Variants in WWOX observed in about 807,000 individuals in gnomAD.
WWOX encodes WW domain-containing oxidoreductase.
WWOX carries 69 observed loss-of-function variants against 46.2 expected under a neutral mutation model. The ratio of observed to expected loss-of-function variants is 1.49; its 90% CI spans 1.23 to 1.82. WWOX has a LOEUF of 1.82. WWOX is among the 40% of genes most tolerant of loss of function. The pLI is 0.00. For missense variants in WWOX, 919 were observed against 542.6 expected (o/e 1.69, Z -6.89); for synonymous variants, 359 against 202.6 (o/e 1.77, Z -6.56).
intron 8 of WWOX, among the ~76,000 whole-genome samples, chr16:78,919,999 G>T (rs1178652262): frequency 6.6e-6 from 1 of 152,154 alleles, no homozygotes; most frequent in African/African-American, 2.4e-5. Context: ...CATGCTTTTG[G>T]AAGGGAAGCA....
chr16:78,516,997 G>C (rs1259197786), intron 8 of WWOX, among the ~76,000 whole-genome samples: 2 of 152,132 alleles, frequency 1.3e-5, no homozygotes, highest in Admixed American at 6.6e-5. Context: ...CTTGAAAATA[G>C]TGAATTTCAA....
intron 8 of WWOX, among the ~76,000 whole-genome samples, chr16:78,626,581 A>T (rs1045255029): frequency 6.6e-6 from 1 of 152,104 alleles, no homozygotes; most frequent in African/African-American, 2.4e-5. Flanking sequence ...GGTGACTCTG[A>T]TTCACCTGGT....
At chr16:78,638,457 C>G (rs1435542213) in intron 8 of WWOX, among the ~76,000 whole-genome samples, 1 of 152,092 alleles carries the variant, frequency 6.6e-6, no homozygotes, top group Non-Finnish European at 1.5e-5. Flanking sequence ...CAAGCAACAT[C>G]TGAAAGGCCC....
intron 8 of WWOX, among the ~76,000 whole-genome samples, chr16:79,156,697 G>T (rs2050388365): frequency 6.6e-6 from 1 of 151,668 alleles, no homozygotes; most frequent in South Asian, 2.1e-4. Flanking sequence ...TTTACAGCAG[G>T]TATCACAGGA....
chr16:78,881,688 A>G (rs1216636680), intron 8 of WWOX, among the ~76,000 whole-genome samples: 1 of 152,210 alleles, frequency 6.6e-6, no homozygotes, highest in Non-Finnish European at 1.5e-5. Context: ...TGTACATGAT[A>G]GGTTGGCTCA....
Position 78,579,924 on chromosome 16 carries a change from T to C in WWOX, c.1056+147172T>C, listed in dbSNP as rs185877393. Among the ~76,000 whole-genome samples, 16 of 152,312 alleles carry C rather than the reference T, an allele frequency of 1.1e-4. No homozygotes were observed. In the East Asian group the frequency reaches 2.9e-3, roughly 28 times the overall value. ...CATTTCACTCCGAGCCATCGACTTCTGTTCTGAATGTTAAAATGCAGGTGG... is the reference window on the plus strand; with the variant it reads ...CATTTCACTCCGAGCCATCGACTTCCGTTCTGAATGTTAAAATGCAGGTGG... On this transcript the variant is annotated intron_variant, in intron 8 of 8. Transcript: ENST00000566780.
In WWOX at chr16:78,408,439, C is replaced by G. The variant is rs78372916; in HGVS notation, c.606-16431C>G. Among the ~76,000 whole-genome samples, 587 of 152,304 alleles carry G rather than the reference C, an allele frequency of 3.9e-3. 23 individuals are homozygous for G. In the East Asian group the frequency reaches 0.088, roughly 23 times the overall value. ...CCACCCCCACCACATTCCCTCTCCA[C>G]TGAGAGTTTTCCTTTTAGTTAATAA... On this transcript the variant is annotated intron_variant, in intron 6 of 8. Transcript: ENST00000566780.
At chr16:79,154,402 C>T (rs956828988) in intron 8 of WWOX, among the ~76,000 whole-genome samples, 1 of 151,846 alleles carries the variant, frequency 6.6e-6, no homozygotes, top group Admixed American at 6.6e-5. Flanking sequence ...CTTTCACTCT[C>T]ATCCATTTTC....
intron 8 of WWOX, among the ~76,000 whole-genome samples, chr16:78,849,830 T>A (rs2052397051): frequency 6.6e-6 from 1 of 152,070 alleles, no homozygotes; most frequent in South Asian, 2.1e-4. Flanking sequence ...CCCAGCACTT[T>A]GGGAGGCCGA....
At chr16:78,504,236 A>G (rs1212828828) in intron 8 of WWOX, among the ~76,000 whole-genome samples, 1 of 152,260 alleles carries the variant, frequency 6.6e-6, no homozygotes, top group Admixed American at 6.5e-5. Context: ...AGGATATATT[A>G]GGAAATGGCT....
intron 8 of WWOX, among the ~76,000 whole-genome samples, chr16:78,744,464 G>C (rs1260962937): frequency 9.5e-6 from 1 of 104,880 alleles, no homozygotes; most frequent in Admixed American, 1.6e-4. Flanking sequence ...CGGAGTATCT[G>C]TCTCTCACCC....
At chr16:78,365,483 G>C (rs1197341283) in intron 5 of WWOX, among the ~76,000 whole-genome samples, 1 of 152,162 alleles carries the variant, frequency 6.6e-6, no homozygotes, top group East Asian at 1.9e-4. Flanking sequence ...CTGAATCTGG[G>C]CAACAATGAA....
At chr16:78,967,459 GTTTTTTTT>G (rs57576563) in intron 8 of WWOX, among the ~76,000 whole-genome samples, 1 of 98,348 alleles carries the variant, frequency 1.0e-5, no homozygotes, top group Admixed American at 1.3e-4. Context: ...AATTTTTGTG[GTTTTTTTT>G]TTTTTTTTTT....
At chr16:78,512,329 T>C (rs1417073064) in intron 8 of WWOX, among the ~76,000 whole-genome samples, 2 of 152,236 alleles carry the variant, frequency 1.3e-5, no homozygotes. Context: ...AGAAATGCAC[T>C]ATGATGATAA....
chr16:79,134,368 G>T (rs1291383654), intron 8 of WWOX, among the ~76,000 whole-genome samples: 3 of 152,104 alleles, frequency 2.0e-5, no homozygotes, highest in Non-Finnish European at 4.4e-5. Flanking sequence ...ACACTGTAAG[G>T]TTGCAACAGG....
intron 8 of WWOX, among the ~76,000 whole-genome samples, chr16:78,702,099 G>GTT (rs1491354086): frequency 0.031 from 1,309 of 41,932 alleles, 74 homozygotes; most frequent in African/African-American, 0.13. Flanking sequence ...TATCTATAAA[G>GTT]TTATATATAT....
chr16:78,920,695 G>C (rs2045358033), intron 8 of WWOX, among the ~76,000 whole-genome samples: 1 of 152,202 alleles, frequency 6.6e-6, no homozygotes, highest in Non-Finnish European at 1.5e-5. Context: ...AAAGTAAAGA[G>C]TGATGGAGAC....
chr16:79,151,605 A>T (rs1204224634), intron 8 of WWOX, among the ~76,000 whole-genome samples: 1 of 152,238 alleles, frequency 6.6e-6, no homozygotes, highest in Non-Finnish European at 1.5e-5. Context: ...TATGGGCTGC[A>T]TGCCTTTCTC....
At chr16:78,257,905 A>C (rs2038174591) in intron 5 of WWOX, among the ~76,000 whole-genome samples, 1 of 144,702 alleles carries the variant, frequency 6.9e-6, no homozygotes, top group African/African-American at 2.7e-5. Flanking sequence ...ACAGGAACTG[A>C]GTATGTTTCC....
Sources: allele counts gnomAD v4.1 joint callset (sites outside exome capture counted in the v4.1 genomes callset), GRCh38; gene constraint gnomAD v4.1.1; transcripts MANE v1.5; gene names NCBI Gene and HGNC (gene_info 2026-07-23, HGNC 2026-07-21).